SPINK2: variants seen among roughly 807,000 people sequenced by gnomAD.
The protein encoded by SPINK2 is serine peptidase inhibitor Kazal type 2, also known as serine protease inhibitor Kazal-type 2.
A neutral mutation model predicts 13.5 loss-of-function variants in SPINK2; 8 were observed. The ratio of observed to expected loss-of-function variants is 0.59; its 90% CI spans 0.35 to 1.07. The LOEUF (loss-of-function observed/expected upper bound fraction) is 1.07, where lower values mean the gene tolerates loss of function less well. SPINK2 is among the 50% of genes least tolerant of loss of function. The pLI, the probability that SPINK2 is intolerant of heterozygous loss-of-function variation, is 0.02. For missense variants in SPINK2, 148 were observed against 180.3 expected (o/e 0.82, Z 1.03); for synonymous variants, 76 against 74.7 (o/e 1.02, Z -0.09).
chr4:56,817,792 T>C, intron 2 of SPINK2, among the ~76,000 whole-genome samples: 1 of 151,054 alleles, frequency 6.6e-6, no homozygotes, highest in East Asian at 1.9e-4. Context: ...AGATGGAGGT[T>C]GCAGTGAGCC....
intron 3 of SPINK2, among the ~76,000 whole-genome samples, 170 bp downstream of exon 3, chr4:56,811,515 G>A (rs1392514708): frequency 6.6e-6 from 1 of 151,846 alleles, no homozygotes; most frequent in Non-Finnish European, 1.5e-5. Flanking sequence ...TACTCCAGAG[G>A]CTGAGGCACA....
intron 1 of SPINK2, 71 bp downstream of exon 1, chr4:56,821,387 C>T: frequency 1.4e-6 from 2 of 1,427,226 alleles, no homozygotes; most frequent in Non-Finnish European, 1.8e-6. Context: ...GAGCGAAGCC[C>T]AAGCAAGAAC....
chr4:56,810,179 C>A lies in SPINK2; in HGVS notation c.365G>T (p.Gly122Val), dbSNP rs1356900114. The change falls in exon 4 of 4, where the codon GGT (glycine) becomes GTT (valine). Residue 122 changes from glycine to valine, a missense_variant. Coordinates refer to ENST00000506738, the MANE Select transcript of SPINK2 (RefSeq NM_001271718.2). Reference protein sequence around the residue: ...ECTLCMKIREGGHNIKIIRNG... With the variant: ...ECTLCMKIREVGHNIKIIRNG... ...TCGAATGATTTTAATATTATGACCA[C>A]CTTCCCTGCAAATTGAACAATCATA... 2 of 1,607,924 alleles carry A rather than the reference C, an allele frequency of 1.2e-6. No individual in the cohort carries two copies. The highest frequency in any genetic ancestry group is 1.7e-5 in the Admixed American group (1 of 59,472).
intron 2 of SPINK2, among the ~76,000 whole-genome samples, chr4:56,819,253 G>A (rs1464979741): frequency 6.6e-6 from 1 of 152,162 alleles, no homozygotes; most frequent in Non-Finnish European, 1.5e-5. Flanking sequence ...ATCTCTAGAG[G>A]AAGGGAATCG....
At chr4:56,818,246 T>C (rs760336227) in intron 2 of SPINK2, 1 of 152,160 alleles carries the variant, frequency 6.6e-6, no homozygotes, top group Non-Finnish European at 1.5e-5. Context: ...AGCAGTGGAA[T>C]AGAAAAGGAA....
At chr4:56,820,643 T>G in intron 1 of SPINK2, 64 bp from the exon 2 acceptor site, 3 of 1,290,342 alleles carry the variant, frequency 2.3e-6, no homozygotes, top group Non-Finnish European at 3.3e-6. Context: ...TTCATGAAGT[T>G]TTTTTTTTTT....
At position 56,810,022 on chromosome 4, in the gene SPINK2, T is replaced by C. The variant is rs1578421925; in HGVS notation, c.*117A>G. ...GTCTTCCATACCTGCTCTCAGAAAATGTGTGTTAACAAATCTCATGTAAAG... is the reference window on the plus strand; with the variant it reads ...GTCTTCCATACCTGCTCTCAGAAAACGTGTGTTAACAAATCTCATGTAAAG... On this transcript the variant is annotated 3_prime_UTR_variant, in exon 4 of 4. Coordinates refer to ENST00000506738, the MANE Select transcript of SPINK2 (RefSeq NM_001271718.2). The C allele has an allele frequency of 2.2e-5, 33 of 1,525,364 alleles. No homozygotes were observed. The highest frequency in any genetic ancestry group is 2.8e-5 in the Non-Finnish European group (32 of 1,141,250). 94.5% of individuals were successfully genotyped at this position (1,525,364 alleles called of 1,614,324 possible). A position where few individuals can be genotyped will look rare whatever the true frequency, so the allele number is the denominator to read the frequency against.
intron 1 of SPINK2, 119 bp from the exon 2 acceptor site, chr4:56,820,698 C>A: frequency 1.3e-6 from 1 of 749,886 alleles, no homozygotes; most frequent in East Asian, 2.8e-5. Context: ...CTTGACCTCC[C>A]GGGCTTAAGC....
rs71194126 is a variant in SPINK2, at chr4:56,813,919, C to CTTTT, written c.250-2129_250-2126dup. Among the ~76,000 whole-genome samples, 23 of 97,126 alleles carry CTTTT rather than the reference C, an allele frequency of 2.4e-4. 1 individual carries two copies. Among genetic ancestry groups the CTTTT allele is most frequent in the African/African-American group, 9.3e-4 (22 of 23,588 alleles). The allele number at this position is 97,126 out of a possible 152,430, so 63.7% of individuals were successfully genotyped here. ...CAGGCATGAGCCACTGCACCTGGCC[C>CTTTT]TTTTTTTTTTTTTTTTTTTTTTGAG... On this transcript the variant is annotated intron_variant, in intron 2 of 3. Transcript: ENST00000506738.
intron 3 of SPINK2, among the ~76,000 whole-genome samples, chr4:56,811,138 C>G (rs1436538842): frequency 6.6e-6 from 1 of 152,158 alleles, no homozygotes; most frequent in Non-Finnish European, 1.5e-5. Flanking sequence ...TGGGCAATAA[C>G]ATAATTTGAT....
At chr4:56,817,166 C>T (rs1015759521) in intron 2 of SPINK2, among the ~76,000 whole-genome samples, 1 of 152,140 alleles carries the variant, frequency 6.6e-6, no homozygotes, top group African/African-American at 2.4e-5. Context: ...CATGCCATTG[C>T]ACTCCAGCCT....
intron 2 of SPINK2, among the ~76,000 whole-genome samples, chr4:56,814,948 A>C (rs1346074583): frequency 4.3e-5 from 6 of 140,874 alleles, no homozygotes; most frequent in African/African-American, 1.4e-4. Flanking sequence ...GTGACAGAGC[A>C]AGACTCCGTC....
chr4:56,813,184 G>A (rs1171100989), intron 2 of SPINK2, among the ~76,000 whole-genome samples: 2 of 152,004 alleles, frequency 1.3e-5, no homozygotes, highest in African/African-American at 4.8e-5. Flanking sequence ...TTAGCTGGGG[G>A]TGGTGGCGCA....
chr4:56,811,042 A>G (rs937304028), intron 3 of SPINK2, among the ~76,000 whole-genome samples: 1 of 152,218 alleles, frequency 6.6e-6, no homozygotes, highest in Non-Finnish European at 1.5e-5. Flanking sequence ...CCACCTACAC[A>G]TGCCCTTTGA....
At chr4:56,819,649 T>A (rs1032619941) in intron 2 of SPINK2, among the ~76,000 whole-genome samples, 8 of 148,920 alleles carry the variant, frequency 5.4e-5, no homozygotes, top group South Asian at 2.1e-4. Context: ...GAAGTCTCAC[T>A]CTGTTGTCTG....
At position 56,809,892 on chromosome 4, in the gene SPINK2, T is replaced by A; in HGVS notation, c.*247A>T. ...CAATGCTGATTTTATTTCAACTAAA[T>A]AAAGCAATGCACAAGTCACCTGGGC... On this transcript the variant is annotated 3_prime_UTR_variant, in exon 4 of 4. Transcript: ENST00000506738. The A allele has an allele frequency of 1.1e-6, 1 of 912,350 alleles. No homozygotes were observed. Among genetic ancestry groups the A allele is most frequent in the East Asian group, 2.9e-5 (1 of 34,176 alleles). 56.5% of individuals were successfully genotyped at this position (912,350 alleles called of 1,614,324 possible). A position where few individuals can be genotyped will look rare whatever the true frequency, so the allele number is the denominator to read the frequency against.
In SPINK2 at chr4:56,813,103, C is replaced by A. The variant is rs145204520; in HGVS notation, c.250-1309G>T. 6.7e-3 allele frequency among the ~76,000 whole-genome samples: 1,017 copies of A among 152,210 alleles called. 15 individuals are homozygous for A. Among genetic ancestry groups the A allele is most frequent in the African/African-American group, 0.022 (931 of 41,540 alleles). ...TTGGGAGGCTGAGGCAGGTGGATCACCTGAGGTCAGGAGTTCAAGACCAGC... is the reference window on the plus strand; with the variant it reads ...TTGGGAGGCTGAGGCAGGTGGATCAACTGAGGTCAGGAGTTCAAGACCAGC... On this transcript the variant is annotated intron_variant, in intron 2 of 3. Coordinates refer to ENST00000506738, the MANE Select transcript of SPINK2 (RefSeq NM_001271718.2).
Position 56,821,545 on chromosome 4 carries a change from T to C in SPINK2, c.118A>G (p.Thr40Ala), listed in dbSNP as rs781543. ...PPEKSGFGSQTGGGPCPAPGG... is the reference protein window; with the variant it reads ...PPEKSGFGSQAGGGPCPAPGG... ...GGAGCAGGGCAGGGTCCGCCGCCGGTCTGACTCCCAAACCCGCTTTTCTCC... is the reference window on the plus strand; with the variant it reads ...GGAGCAGGGCAGGGTCCGCCGCCGGCCTGACTCCCAAACCCGCTTTTCTCC... Residue 40 changes from threonine to alanine, a missense_variant, in exon 1 of 4, where the codon ACC becomes GCC. By Grantham distance (58) the Thr-to-Ala change is moderately conservative (BLOSUM62 0). Coordinates refer to ENST00000506738, the MANE Select transcript of SPINK2 (RefSeq NM_001271718.2). The C allele has an allele frequency of 0.086, 133,037 of 1,545,832 alleles. 13,190 individuals carry two copies. The highest frequency in any genetic ancestry group is 0.48 in the African/African-American group (35,019 of 72,648).
chr4:56,811,657 C>T (rs2458554), intron 3 of SPINK2, 28 bp downstream of exon 3: 1 of 1,411,830 alleles, frequency 7.1e-7, no homozygotes, highest in Non-Finnish European at 9.7e-7. Flanking sequence ...GAAAACTTGG[C>T]TAGTCTACAG....
Sources: allele counts gnomAD v4.1 joint callset (sites outside exome capture counted in the v4.1 genomes callset), GRCh38; gene constraint gnomAD v4.1.1; transcripts MANE v1.5; gene names NCBI Gene and HGNC (gene_info 2026-07-23, HGNC 2026-07-21).